MRTFB: variants seen among roughly 807,000 people sequenced by gnomAD.
MRTFB encodes the protein myocardin-related transcription factor B.
Under a neutral mutation model 104.2 loss-of-function variants are expected in MRTFB, and 29 were observed. The ratio of observed to expected loss-of-function variants is 0.28; its 90% CI spans 0.21 to 0.38. The LOEUF is 0.38. Among genes scored for constraint, MRTFB ranks in the 10% least tolerant of loss-of-function variants. The probability of loss-of-function intolerance (pLI) is 1.00; values close to 1 mark genes in which losing one functional copy is unlikely to be tolerated. For synonymous variants in MRTFB, 535 were observed against 519.5 expected (o/e 1.03, Z -0.41); for missense variants, 1,270 against 1,341.6 (o/e 0.95, Z 0.83).
At chr16:14,259,487 G>A (rs964116510) in intron 16 of MRTFB, among the ~76,000 whole-genome samples, 6 of 150,784 alleles carry the variant, frequency 4.0e-5, no homozygotes, top group African/African-American at 1.2e-4. Context: ...TTGTGACACC[G>A]TGCCTTGCCC....
At chr16:14,122,572 A>C (rs1451100058) in intron 2 of MRTFB, among the ~76,000 whole-genome samples, 1 of 152,090 alleles carries the variant, frequency 6.6e-6, no homozygotes, top group Non-Finnish European at 1.5e-5. Context: ...GCTGAGAGTG[A>C]TGGTGTCCAG....
In MRTFB at chr16:14,265,199, T is replaced by C. The variant is rs1013249432; in HGVS notation, c.*3755T>C. The C allele has an allele frequency of 6.6e-6, 1 of 152,222 alleles. No homozygotes were observed. Among genetic ancestry groups the C allele is most frequent in the African/African-American group, 2.4e-5 (1 of 41,452 alleles). 9.4% of individuals were successfully genotyped at this position (152,222 alleles called of 1,614,324 possible). ...TAGAGAAATGTAAAGAGAATAGCTA[T>C]TCAGTGTCTACTAGCAGAGCAACAT... On this transcript the variant is annotated 3_prime_UTR_variant, in exon 17 of 17. Coordinates refer to ENST00000571589, the MANE Select transcript of MRTFB (RefSeq NM_001308142.2).
At chr16:14,017,246 C>T in the MRTFB span, among the ~76,000 whole-genome samples, 20 of 151,604 alleles carry the variant, frequency 1.3e-4, no homozygotes, top group African/African-American at 2.7e-4. Context: ...TTAATAGAGA[C>T]GGGGTTTCAC....
chr16:14,113,943 G>T (rs899568786), intron 2 of MRTFB, among the ~76,000 whole-genome samples: 5 of 152,040 alleles, frequency 3.3e-5, no homozygotes, highest in African/African-American at 9.7e-5. Context: ...TACATACATA[G>T]AACTAATGTG....
the MRTFB span, among the ~76,000 whole-genome samples, chr16:14,054,350 G>A: frequency 1.3e-5 from 2 of 152,066 alleles, no homozygotes; most frequent in African/African-American, 4.8e-5. Context: ...CCAAGTAGCT[G>A]GGATTACAGG....
chr16:14,066,804 C>T (rs2033531426), upstream of MRTFB, among the ~76,000 whole-genome samples: 1 of 151,928 alleles, frequency 6.6e-6, no homozygotes, highest in African/African-American at 2.4e-5. Flanking sequence ...GCTAGTACTA[C>T]AGGCACAAAC....
At chr16:14,143,971 T>C (rs2038160651) in intron 3 of MRTFB, 1 of 152,238 alleles carries the variant, frequency 6.6e-6, no homozygotes, top group African/African-American at 2.4e-5. Context: ...GAGAGAATAA[T>C]ATTTGACTAC....
At chr16:14,120,095 T>C (rs940425531) in intron 2 of MRTFB, among the ~76,000 whole-genome samples, 3 of 152,244 alleles carry the variant, frequency 2.0e-5, no homozygotes, top group Admixed American at 1.3e-4. Flanking sequence ...TTTGGCTGTT[T>C]CCGTTTCCTC....
Position 14,247,584 on chromosome 16 carries a change from C to T in MRTFB, c.2247+77C>T, listed in dbSNP as rs2043077753. On this transcript the variant is annotated intron_variant, in intron 12 of 16. Coordinates refer to ENST00000571589, the MANE Select transcript of MRTFB (RefSeq NM_001308142.2). ...AACCCTGCTAAGGAAGGCACCATAC[C>T]TGAGCTCTTCCATAAATGCGTCCAG... is the stretch of plus-strand genomic sequence containing the variant. The T allele has an allele frequency of 6.8e-6, 9 of 1,331,940 alleles. No individual in the cohort carries two copies. In the East Asian group the frequency reaches 1.8e-4, roughly 26 times the overall value. The allele number at this position is 1,331,940 out of a possible 1,614,324, so 82.5% of individuals were successfully genotyped here.
At chr16:14,159,679 C>T (rs1324092279) in intron 3 of MRTFB, among the ~76,000 whole-genome samples, 1 of 151,918 alleles carries the variant, frequency 6.6e-6, no homozygotes, top group African/African-American at 2.4e-5. Context: ...CCTGTAATCC[C>T]AGCACTTTGG....
chr16:14,241,759 C>CATGGAG (rs1234018619), intron 10 of MRTFB, among the ~76,000 whole-genome samples: 1 of 151,954 alleles, frequency 6.6e-6, no homozygotes, highest in East Asian at 1.9e-4. Context: ...AACATCAGGG[C>CATGGAG]ATGGAGATGA....
At chr16:14,158,869 C>T (rs188426715) in intron 3 of MRTFB, among the ~76,000 whole-genome samples, 25 of 151,834 alleles carry the variant, frequency 1.6e-4, no homozygotes, top group South Asian at 1.0e-3. Flanking sequence ...CAGAGGCTGA[C>T]GCCTGTAATC....
At chr16:14,127,280 A>T (rs907617475) in intron 2 of MRTFB, among the ~76,000 whole-genome samples, 1 of 152,246 alleles carries the variant, frequency 6.6e-6, no homozygotes, top group Non-Finnish European at 1.5e-5. Flanking sequence ...AGGTATTACA[A>T]AATGGAACAA....
chr16:14,027,550 TGAA>T, the MRTFB span, among the ~76,000 whole-genome samples: 1 of 152,196 alleles, frequency 6.6e-6, no homozygotes. Context: ...TGGTGCAATC[TGAA>T]GAAGGTGTGT....
intron 3 of MRTFB, chr16:14,152,263 A>C (rs1370708068): frequency 6.6e-6 from 1 of 152,116 alleles, no homozygotes; most frequent in Non-Finnish European, 1.5e-5. Flanking sequence ...AAAGAAATTG[A>C]ATAAATTCAG....
At chr16:14,089,184 C>A (rs1439547774) in intron 2 of MRTFB, among the ~76,000 whole-genome samples, 9 of 152,072 alleles carry the variant, frequency 5.9e-5, no homozygotes. Flanking sequence ...TAAAGTTTAC[C>A]CTTTTAAAGT....
intron 2 of MRTFB, among the ~76,000 whole-genome samples, chr16:14,106,589 G>C (rs1227725889): frequency 6.6e-6 from 1 of 152,208 alleles, no homozygotes; most frequent in Non-Finnish European, 1.5e-5. Flanking sequence ...GAGACTCTCT[G>C]TAAAGGGTAG....
chr16:14,075,561 C>A lies in MRTFB; in HGVS notation c.-128-3729C>A, dbSNP rs1412445780. 2.0e-5 allele frequency among the ~76,000 whole-genome samples: 3 copies of A among 152,210 alleles called. No individual in the cohort carries two copies. In the East Asian group the frequency reaches 5.8e-4, roughly 29 times the overall value. On this transcript the variant is annotated intron_variant, in intron 1 of 16. Transcript: ENST00000571589. ...AGGGTCTCTCTCTGATTCAGTAGGT[C>A]TGGGCTGGGCCCATAGAATTTACAT... is the stretch of plus-strand genomic sequence containing the variant.
intron 1 of MRTFB, among the ~76,000 whole-genome samples, chr16:14,076,218 A>G (rs143891148): frequency 6.6e-6 from 1 of 152,014 alleles, no homozygotes; most frequent in African/African-American, 2.4e-5. Flanking sequence ...TTGAGACAGA[A>G]TCTCACTCTG....
Sources: gnomAD v4.1 joint callset for allele counts (sites outside exome capture counted in the v4.1 genomes callset) on GRCh38, gnomAD v4.1.1 for gene constraint, MANE v1.5 for transcripts, NCBI Gene and HGNC (gene_info 2026-07-23, HGNC 2026-07-21) for gene names.